The following FGF18 variants were observed in gnomAD, a reference collection of about 807,000 sequenced individuals.
FGF18 encodes the protein fibroblast growth factor 18.
FGF18 carries 5 observed loss-of-function variants against 23.0 expected under a neutral mutation model. That is an observed-to-expected ratio of 0.22 (90% CI 0.11 to 0.46). FGF18 has a LOEUF of 0.46. Ranked by LOEUF, FGF18 falls within the 20% of genes least tolerant of loss-of-function variation. The pLI is 0.99. For missense variants in FGF18, 180 were observed against 291.6 expected (o/e 0.62, Z 2.79); for synonymous variants, 117 against 118.9 (o/e 0.98, Z 0.10).
At chr5:171,441,467 G>A (rs567490644) in intron 3 of FGF18, among the ~76,000 whole-genome samples, 3 of 152,176 alleles carry the variant, frequency 2.0e-5, no homozygotes, top group African/African-American at 4.8e-5. Flanking sequence ...AGCACTGTCC[G>A]TCTGCGGGCC....
chr5:171,423,285 C>G (rs1772044334), intron 2 of FGF18, among the ~76,000 whole-genome samples: 1 of 152,214 alleles, frequency 6.6e-6, no homozygotes, highest in South Asian at 2.1e-4. Flanking sequence ...ACTCAGGACA[C>G]CGTAGATAGC....
At chr5:171,441,462 T>C (rs1225322578) in intron 3 of FGF18, among the ~76,000 whole-genome samples, 3 of 152,180 alleles carry the variant, frequency 2.0e-5, no homozygotes, top group Non-Finnish European at 4.4e-5. Flanking sequence ...ACCCAAGCAC[T>C]GTCCGTCTGC....
intron 3 of FGF18, among the ~76,000 whole-genome samples, chr5:171,439,009 G>A (rs1244176195): frequency 6.6e-6 from 1 of 152,064 alleles, no homozygotes; most frequent in African/African-American, 2.4e-5. Context: ...TTTATAACAT[G>A]CAGTCTCAGA....
chr5:171,422,608 C>A (rs1051489173), intron 2 of FGF18, among the ~76,000 whole-genome samples: 3 of 152,172 alleles, frequency 2.0e-5, no homozygotes, highest in African/African-American at 4.8e-5. Flanking sequence ...AGGCTTATGT[C>A]CCCATTCACA....
Position 171,444,523 on chromosome 5 carries a change from C to A in FGF18, c.251-4624C>A, listed in dbSNP as rs1031538273. Among the ~76,000 whole-genome samples the A allele has an allele frequency of 2.1e-5, 3 of 145,506 alleles. No homozygotes were observed. The East Asian group carries it at 6.1e-4, about 29-fold the overall frequency. On this transcript the variant is annotated intron_variant, in intron 3 of 4. Transcript: ENST00000274625. ...CAGTTACTGATACTTTCCATAGGGG[C>A]AGAACTGAAAGAGGCCTCAGAGGTT...
chr5:171,443,532 T>TTTTTTC, intron 3 of FGF18, among the ~76,000 whole-genome samples: 1 of 106,948 alleles, frequency 9.4e-6, no homozygotes, highest in South Asian at 3.2e-4. Context: ...TTTTTTTTTT[T>TTTTTTC]AGCAGAGACA....
intron 4 of FGF18, among the ~76,000 whole-genome samples, chr5:171,454,100 G>C (rs911995191): frequency 6.6e-6 from 1 of 152,130 alleles, no homozygotes; most frequent in South Asian, 2.1e-4. Context: ...GAGGAGAAAT[G>C]GGGTTCAGAA....
rs1772599278 is a variant in FGF18, at chr5:171,457,242, C to G, written c.*437C>G. On this transcript the variant is annotated 3_prime_UTR_variant, in exon 5 of 5. Transcript: ENST00000274625. ...ACAAACTCCCCCTAACTTTCCCAATCCTCTGTTCCTGCCCCAAACTCCAAC... is the reference window on the plus strand; with the variant it reads ...ACAAACTCCCCCTAACTTTCCCAATGCTCTGTTCCTGCCCCAAACTCCAAC... 1 of 157,996 alleles carries G rather than the reference C, an allele frequency of 6.3e-6. No homozygotes were observed. Among genetic ancestry groups the G allele is most frequent in the South Asian group, 1.9e-4 (1 of 5,358 alleles). The allele number at this position is 157,996 out of a possible 1,614,324, so 9.8% of individuals were successfully genotyped here. A position where few individuals can be genotyped will look rare whatever the true frequency, so the allele number is the denominator to read the frequency against.
At chr5:171,437,233 C>T (rs1459390788) in intron 3 of FGF18, among the ~76,000 whole-genome samples, 1 of 152,222 alleles carries the variant, frequency 6.6e-6, no homozygotes, top group African/African-American at 2.4e-5. Context: ...GCCTGCCTGC[C>T]AACCCTGCCC....
rs1333816227 is a variant in FGF18 at position 171,434,010 on chromosome 5, G to C, written c.70-2083G>C. ...TATCATCACCCTATTTTATAGGTGA[G>C]GAAACAGGCACTAGAGTTTAATAAC... is the stretch of plus-strand genomic sequence containing the variant. On this transcript the variant is annotated intron_variant, in intron 2 of 4. Transcript: ENST00000274625. This position sits in a 1 kb window ranked among gnomAD's most constrained non-coding sequence, Gnocchi z 4.6. Among the ~76,000 whole-genome samples the C allele has an allele frequency of 6.6e-6, 1 of 152,170 alleles. No homozygotes were observed. The highest frequency in any genetic ancestry group is 1.5e-5 in the Non-Finnish European group (1 of 68,018).
At chr5:171,446,155 C>G (rs770878583) in intron 3 of FGF18, among the ~76,000 whole-genome samples, 2 of 152,234 alleles carry the variant, frequency 1.3e-5, no homozygotes, top group Admixed American at 1.3e-4. Context: ...ATGCTGCGGT[C>G]GGGGAGAGAA....
intron 3 of FGF18, among the ~76,000 whole-genome samples, chr5:171,448,237 G>C (rs1043107971): frequency 3.3e-5 from 5 of 152,276 alleles, no homozygotes; most frequent in Non-Finnish European, 7.4e-5. Flanking sequence ...CTCCCACCCT[G>C]GGGGGAATCC....
At chr5:171,452,513 G>T (rs1772531456) in intron 4 of FGF18, among the ~76,000 whole-genome samples, 1 of 152,170 alleles carries the variant, frequency 6.6e-6, no homozygotes, top group Non-Finnish European at 1.5e-5. Flanking sequence ...CCCAGCCCCT[G>T]CATGTTCAGG....
chr5:171,431,789 T>G (rs1404625082), intron 2 of FGF18, among the ~76,000 whole-genome samples: 1 of 152,136 alleles, frequency 6.6e-6, no homozygotes, highest in Non-Finnish European at 1.5e-5. Flanking sequence ...CTGGGCGCGG[T>G]GGCTCACACC....
intron 3 of FGF18, 47 bp from the exon 4 acceptor site, chr5:171,449,100 T>C (rs1424289732): frequency 2.2e-6 from 3 of 1,391,804 alleles, no homozygotes; most frequent in Non-Finnish European, 3.1e-6. Context: ...ACCAAGCCAT[T>C]GCCCCTGGTA....
intron 3 of FGF18, among the ~76,000 whole-genome samples, chr5:171,438,769 G>A (rs964051364): frequency 6.6e-6 from 1 of 151,956 alleles, no homozygotes; most frequent in African/African-American, 2.4e-5. Context: ...TGAGACAATG[G>A]AGCCAATTGA....
chr5:171,449,356 A>G, intron 4 of FGF18, 103 bp downstream of exon 4: 1 of 399,964 alleles, frequency 2.5e-6, no homozygotes, highest in Non-Finnish European at 4.8e-6. Flanking sequence ...AATGGAAAAC[A>G]GGCCGTGTGT....
chr5:171,453,990 T>A (rs1772549290), intron 4 of FGF18, among the ~76,000 whole-genome samples: 2 of 152,120 alleles, frequency 1.3e-5, no homozygotes, highest in African/African-American at 4.8e-5. Flanking sequence ...CTAAGACCTG[T>A]GCTCAGCAAC....
intron 3 of FGF18, among the ~76,000 whole-genome samples, chr5:171,443,291 A>G (rs1480623305): frequency 7.1e-6 from 1 of 140,942 alleles, no homozygotes; most frequent in African/African-American, 2.8e-5. Flanking sequence ...CACCACACCC[A>G]GCTAATTTTT....
Sources: gnomAD v4.1 joint callset for allele counts (sites outside exome capture counted in the v4.1 genomes callset) on GRCh38, gnomAD v4.1.1 for gene constraint, Gnocchi (gnomAD v3.1) non-coding constraint, MANE v1.5 for transcripts, NCBI Gene and HGNC (gene_info 2026-07-23, HGNC 2026-07-21) for gene names.